The following PKHD1 variants were observed in gnomAD, a reference collection of about 807,000 sequenced individuals.
The protein encoded by PKHD1 is PKHD1 ciliary IPT domain containing fibrocystin/polyductin.
A neutral mutation model predicts 412.0 loss-of-function variants in PKHD1; 291 were observed. The observed-to-expected ratio is 0.71, with a 90% confidence interval of 0.64 to 0.78. The LOEUF (loss-of-function observed/expected upper bound fraction) is 0.78. Among genes scored for constraint, PKHD1 ranks in the 30% least tolerant of loss-of-function variants. The pLI is 0.00. For missense variants in PKHD1, 4,825 were observed against 4,950.7 expected (o/e 0.97, Z 0.76); for synonymous variants, 1,777 against 1,821.5 (o/e 0.98, Z 0.62).
At chr6:52,021,552 C>T (rs1287328912) in intron 33 of PKHD1, among the ~76,000 whole-genome samples, 1 of 152,138 alleles carries the variant, frequency 6.6e-6, no homozygotes, top group African/African-American at 2.4e-5. Flanking sequence ...TGCACATACC[C>T]TCTGCAACAC....
intron 60 of PKHD1, among the ~76,000 whole-genome samples, chr6:51,742,974 G>A (rs1261727176): frequency 2.0e-5 from 3 of 152,040 alleles, no homozygotes; most frequent in Non-Finnish European, 2.9e-5. Context: ...CAGCACAAAC[G>A]CCCTGATGTA....
chr6:51,954,159 C>A (rs1790778860), intron 36 of PKHD1, among the ~76,000 whole-genome samples: 1 of 152,040 alleles, frequency 6.6e-6, no homozygotes, highest in South Asian at 2.1e-4. Context: ...TAATTGAGTT[C>A]TTACTCTGGA....
chr6:51,872,342 T>C (rs1336027238), intron 46 of PKHD1, among the ~76,000 whole-genome samples: 8 of 151,840 alleles, frequency 5.3e-5, no homozygotes, highest in Admixed American at 5.2e-4. Flanking sequence ...CAAGGACAAG[T>C]TCCTAAGAGC....
chr6:51,804,354 T>C (rs1379369403), intron 52 of PKHD1, among the ~76,000 whole-genome samples: 1 of 10,874 alleles, frequency 9.2e-5, no homozygotes, highest in African/African-American at 3.9e-4. Context: ...GAAATACTAA[T>C]TCATTGGGGG....
chr6:51,757,109 T>C (rs1787151801), intron 55 of PKHD1, among the ~76,000 whole-genome samples: 1 of 152,134 alleles, frequency 6.6e-6, no homozygotes, highest in South Asian at 2.1e-4. Context: ...GCGTCCTGGT[T>C]CCCGATAGGC....
intron 37 of PKHD1, among the ~76,000 whole-genome samples, chr6:51,918,037 CTG>C (rs895118432): frequency 3.9e-5 from 6 of 152,036 alleles, no homozygotes; most frequent in Non-Finnish European, 8.8e-5. Flanking sequence ...AGTAGGGAAA[CTG>C]AGAGCCTGAT....
chr6:51,692,261 T>TCTCACACACACA (rs1554196060), intron 60 of PKHD1, among the ~76,000 whole-genome samples: 3 of 147,430 alleles, frequency 2.0e-5, no homozygotes, highest in Non-Finnish European at 4.5e-5. Flanking sequence ...ATCACATAAT[T>TCTCACACACACA]CACACACACA....
intron 60 of PKHD1, chr6:51,721,929 C>T (rs1781970243): frequency 1.9e-6 from 3 of 1,612,410 alleles, no homozygotes; most frequent in Middle Eastern, 1.7e-4. Context: ...CATTCTTCAC[C>T]CTGCTTCCTG....
chr6:52,056,437 C>T (rs965280720), intron 18 of PKHD1, among the ~76,000 whole-genome samples: 1 of 152,050 alleles, frequency 6.6e-6, no homozygotes, highest in Admixed American at 6.6e-5. Context: ...CACCGTGTGG[C>T]ATGGGGAGTA....
At chr6:52,044,160 T>C (rs1805394378) in intron 25 of PKHD1, among the ~76,000 whole-genome samples, 1 of 152,076 alleles carries the variant, frequency 6.6e-6, no homozygotes, top group Non-Finnish European at 1.5e-5. Context: ...AAGACTAGAG[T>C]GTATTTGGAC....
chr6:52,025,771 C>A lies in PKHD1; in HGVS notation c.4039G>T (p.Val1347Leu). 1 of 1,614,182 alleles carries A rather than the reference C, an allele frequency of 6.2e-7. No individual in the cohort carries two copies. The highest frequency in any genetic ancestry group is 8.5e-7 in the Non-Finnish European group (1 of 1,180,026). The change falls in exon 32 of 67, where the codon GTG becomes TTG. Residue 1347 changes from valine to leucine, a missense_variant. Physicochemically the swap from Val to Leu is conservative, Grantham distance 32 (BLOSUM62 1). Coordinates refer to ENST00000371117, the MANE Select transcript of PKHD1 (RefSeq NM_138694.4). ...GGGATGGAGCATCCAGACAGGCTCA[C>A]GTTGCCCTGGAAGGACTGTGTCTCA... ...DVETQSFQGN[V>L]SLSGCSIPLH... is the part of the protein sequence containing the mutation.
intron 60 of PKHD1, among the ~76,000 whole-genome samples, chr6:51,740,416 C>T (rs907666582): frequency 6.6e-6 from 1 of 152,038 alleles, no homozygotes; most frequent in Admixed American, 6.5e-5. Context: ...AAAAATAAAC[C>T]TCAAAGGCAA....
At chr6:52,011,315 C>T (rs1291313882) in intron 34 of PKHD1, among the ~76,000 whole-genome samples, 1 of 152,132 alleles carries the variant, frequency 6.6e-6, no homozygotes, top group Non-Finnish European at 1.5e-5. Context: ...TTGCAACTAA[C>T]TCAAAAATTA....
At chr6:51,944,900 C>T (rs1789221316) in intron 36 of PKHD1, among the ~76,000 whole-genome samples, 1 of 152,210 alleles carries the variant, frequency 6.6e-6, no homozygotes. Context: ...CTCTCTGTTA[C>T]TGGTCCTTTT....
intron 52 of PKHD1, among the ~76,000 whole-genome samples, chr6:51,819,470 A>T (rs2151443469): frequency 6.6e-6 from 1 of 152,312 alleles, no homozygotes; most frequent in East Asian, 1.9e-4. Flanking sequence ...TATGAATTGT[A>T]ATTGAATTTA....
intron 46 of PKHD1, among the ~76,000 whole-genome samples, chr6:51,879,016 T>A (rs1388901199): frequency 1.1e-5 from 1 of 90,668 alleles, no homozygotes; most frequent in Non-Finnish European, 2.0e-5. Context: ...CATTCACAAT[T>A]GCTTCAAAGA....
At position 51,648,109 on chromosome 6, in the gene PKHD1, C is replaced by T. The variant is rs969574339; in HGVS notation, c.11320G>A (p.Val3774Ile). The T allele has an allele frequency of 6.3e-7, 1 of 1,590,150 alleles. No individual in the cohort carries two copies. Among genetic ancestry groups the T allele is most frequent in the Admixed American group, 1.7e-5 (1 of 59,962 alleles). Residue 3774 changes from valine (V) to isoleucine (I), a missense_variant, in exon 63 of 67, where the codon GTA (valine) becomes ATA (isoleucine). By Grantham distance (29) the Val-to-Ile change is conservative. Coordinates refer to ENST00000371117, the MANE Select transcript of PKHD1 (RefSeq NM_138694.4). ...LVFLDEQNRR[V>I]ESLGPPSEPW... ...TCTGAAGGAGGTCCCAGGGACTCTACTCTTCGATTCTAGAAATGGGAATAG... is the reference window on the plus strand; with the variant it reads ...TCTGAAGGAGGTCCCAGGGACTCTATTCTTCGATTCTAGAAATGGGAATAG...
chr6:51,912,483 G>C lies in PKHD1; in HGVS notation c.6215C>G (p.Pro2072Arg). 1 of 1,613,128 alleles carries C rather than the reference G, an allele frequency of 6.2e-7. No homozygotes were observed. Among genetic ancestry groups the C allele is most frequent in the Non-Finnish European group, 8.5e-7 (1 of 1,179,304 alleles). Residue 2072 changes from proline to arginine, a missense_variant, in exon 38 of 67, where the codon CCT becomes CGT. Coordinates refer to ENST00000371117, the MANE Select transcript of PKHD1 (RefSeq NM_138694.4). ...ACTGATGATGACAACTTCATCCCCA[G>C]GGTTCCAGTCCACAGCATCTTCTAA... ...LALEDAVDWNPGDEVVIISGT... is the reference protein window; with the variant it reads ...LALEDAVDWNRGDEVVIISGT...
intron 20 of PKHD1, 81 bp from the exon 21 acceptor site, chr6:52,053,332 G>A: frequency 7.0e-7 from 1 of 1,425,924 alleles, no homozygotes; most frequent in Non-Finnish European, 9.7e-7. Flanking sequence ...TTCCCAACCT[G>A]GGGGGCCTGT....
Sources: allele counts gnomAD v4.1 joint callset (sites outside exome capture counted in the v4.1 genomes callset), GRCh38; gene constraint gnomAD v4.1.1; transcripts MANE v1.5; gene names NCBI Gene and HGNC (gene_info 2026-07-23, HGNC 2026-07-21).